CFAP299: variants seen among roughly 807,000 people sequenced by gnomAD.
CFAP299 encodes the protein cilia- and flagella-associated protein 299.
In CFAP299, 21 loss-of-function variants were observed where a neutral mutation model predicts 27.0. The ratio of observed to expected loss-of-function variants is 0.78; its 90% CI spans 0.55 to 1.12. CFAP299 has a LOEUF of 1.12. CFAP299 is among the 50% of genes most tolerant of loss of function. The pLI is 0.00. For synonymous variants in CFAP299, 104 were observed against 98.1 expected (o/e 1.06, Z -0.36); for missense variants, 310 against 276.6 (o/e 1.12, Z -0.86).
At chr4:80,680,320 C>G (rs897192017) in intron 3 of CFAP299, among the ~76,000 whole-genome samples, 4 of 152,124 alleles carry the variant, frequency 2.6e-5, no homozygotes, top group Non-Finnish European at 5.9e-5. Context: ...AATAATTCCT[C>G]AGTTTCTCAG....
At chr4:80,589,741 A>G (rs567752686) in intron 3 of CFAP299, among the ~76,000 whole-genome samples, 111 of 152,344 alleles carry the variant, frequency 7.3e-4, no homozygotes, top group African/African-American at 2.5e-3. Flanking sequence ...GAGAATTAAA[A>G]TGAGCTGTAT....
intron 2 of CFAP299, among the ~76,000 whole-genome samples, chr4:80,390,832 T>G (rs1313171446): frequency 6.9e-6 from 1 of 145,468 alleles, no homozygotes; most frequent in Non-Finnish European, 1.5e-5. Context: ...TGTATATGTA[T>G]ATATGTATAT....
intron 2 of CFAP299, among the ~76,000 whole-genome samples, chr4:80,419,586 G>A (rs577673238): frequency 1.8e-4 from 27 of 152,126 alleles, no homozygotes; most frequent in East Asian, 5.8e-4. Flanking sequence ...CCCTAGTGCC[G>A]GCTGTGACCA....
chr4:80,386,183 C>G (rs1197087393), intron 2 of CFAP299: 1 of 768,236 alleles, frequency 1.3e-6, no homozygotes, highest in East Asian at 2.6e-5. Context: ...GTCCGTCACT[C>G]TGAGGCCTCG....
chr4:80,512,040 TG>T (rs1732329968), intron 2 of CFAP299, among the ~76,000 whole-genome samples: 1 of 152,164 alleles, frequency 6.6e-6, no homozygotes, highest in South Asian at 2.1e-4. Flanking sequence ...CCGCCTTAAA[TG>T]CTTTCAGTAA....
intron 2 of CFAP299, among the ~76,000 whole-genome samples, chr4:80,552,521 A>G (rs1221457520): frequency 6.6e-6 from 1 of 152,192 alleles, no homozygotes; most frequent in African/African-American, 2.4e-5. Flanking sequence ...TCTAGACTTT[A>G]AAGTCTCCTA....
rs79894252 is a variant in CFAP299, at chr4:80,462,191, C to T, written c.242+99307C>T. On this transcript the variant is annotated intron_variant, in intron 2 of 5. Transcript: ENST00000358105. ...TGCGTTTTCTCTCTTGTATTTTCAA[C>T]ATCTTCCTTTTCACTGACACTTTCC... Among the ~76,000 whole-genome samples the T allele has an allele frequency of 3.3e-5, 5 of 152,282 alleles. No individual in the cohort carries two copies. In the East Asian group the frequency reaches 9.6e-4, roughly 29 times the overall value.
At chr4:80,548,261 C>T (rs920921646) in intron 2 of CFAP299, among the ~76,000 whole-genome samples, 11 of 152,092 alleles carry the variant, frequency 7.2e-5, no homozygotes, top group Admixed American at 7.2e-4. Flanking sequence ...GGCCATTATG[C>T]TAAGTGAACT....
At chr4:80,583,957 A>C (rs1204078762) in intron 3 of CFAP299, among the ~76,000 whole-genome samples, 1 of 151,966 alleles carries the variant, frequency 6.6e-6, no homozygotes, top group Non-Finnish European at 1.5e-5. Context: ...TTTCTCAATA[A>C]AAAATTTGGA....
intron 2 of CFAP299, among the ~76,000 whole-genome samples, chr4:80,564,648 C>T (rs6852354): frequency 0.046 from 6,915 of 151,840 alleles, 559 homozygotes; most frequent in African/African-American, 0.16. Flanking sequence ...TGTTATTGAA[C>T]GTAGTACTGG....
intron 3 of CFAP299, among the ~76,000 whole-genome samples, chr4:80,848,503 G>A (rs1322156218): frequency 2.6e-5 from 4 of 152,066 alleles, no homozygotes; most frequent in African/African-American, 9.7e-5. Context: ...CATAGAAAAG[G>A]CACAATAAAA....
intron 3 of CFAP299, among the ~76,000 whole-genome samples, chr4:80,853,899 T>G (rs1021066393): frequency 6.6e-6 from 1 of 152,168 alleles, no homozygotes; most frequent in Admixed American, 6.6e-5. Context: ...TTCAGTTGTC[T>G]ATGAGACCTT....
rs190246543 is a variant in CFAP299 at position 80,864,656 on chromosome 4, A to C, written c.334-5337A>C. On this transcript the variant is annotated intron_variant, in intron 3 of 5. Coordinates refer to ENST00000358105, the MANE Select transcript of CFAP299 (RefSeq NM_152770.3). ...AGAAAGAAACTGAACCATGTATGGCAACCCTAACATAACTATATACACCAG... is the reference window on the plus strand; with the variant it reads ...AGAAAGAAACTGAACCATGTATGGCCACCCTAACATAACTATATACACCAG... Among the ~76,000 whole-genome samples, 128 of 151,654 alleles carry C rather than the reference A, an allele frequency of 8.4e-4. 2 individuals carry two copies. The East Asian group carries it at 0.021, about 25-fold the overall frequency.
intron 2 of CFAP299, among the ~76,000 whole-genome samples, chr4:80,459,128 A>G (rs1311252002): frequency 6.6e-6 from 1 of 152,050 alleles, no homozygotes; most frequent in African/African-American, 2.4e-5. Flanking sequence ...CTACAGGTGC[A>G]TTATCACCGT....
intron 3 of CFAP299, among the ~76,000 whole-genome samples, chr4:80,710,500 TAA>T (rs5859733): frequency 1.9e-4 from 21 of 112,052 alleles, no homozygotes; most frequent in Middle Eastern, 5.3e-3. Flanking sequence ...TTTTTTTTTT[TAA>T]AAAAAAAAAG....
At chr4:80,857,131 G>A (rs1731958633) in intron 3 of CFAP299, among the ~76,000 whole-genome samples, 1 of 152,172 alleles carries the variant, frequency 6.6e-6, no homozygotes. Flanking sequence ...TCCCTTGTAA[G>A]GTGGATTCCT....
At chr4:80,529,708 C>T (rs868192177) in intron 2 of CFAP299, among the ~76,000 whole-genome samples, 5 of 151,952 alleles carry the variant, frequency 3.3e-5, no homozygotes, top group African/African-American at 1.2e-4. Context: ...AGATTCCTTG[C>T]TCAGCTCCAC....
intron 3 of CFAP299, among the ~76,000 whole-genome samples, chr4:80,839,724 A>C (rs1000514761): frequency 6.6e-6 from 1 of 152,010 alleles, no homozygotes; most frequent in Non-Finnish European, 1.5e-5. Context: ...GCAAGGGGAC[A>C]AACTTCTTTG....
At position 80,957,562 on chromosome 4, in the gene CFAP299, A is replaced by C. The variant is rs554636205; in HGVS notation, c.607-5955A>C. ...GCAGAGACATAAAAAAGGAATAAAC[A>C]GATTTTAAAATAAATTTGCAAATAA... On this transcript the variant is annotated intron_variant, in intron 5 of 5. Coordinates refer to ENST00000358105, the MANE Select transcript of CFAP299 (RefSeq NM_152770.3). Among the ~76,000 whole-genome samples, 3 of 152,356 alleles carry C rather than the reference A, an allele frequency of 2.0e-5. No homozygotes were observed. The South Asian group carries it at 6.2e-4, about 32-fold the overall frequency.
Sources: allele counts gnomAD v4.1 joint callset (sites outside exome capture counted in the v4.1 genomes callset), GRCh38; gene constraint gnomAD v4.1.1; transcripts MANE v1.5; gene names NCBI Gene and HGNC (gene_info 2026-07-23, HGNC 2026-07-21).